Variants in IGF2R observed in about 807,000 individuals in gnomAD.
The protein encoded by IGF2R is cation-independent mannose-6-phosphate receptor.
A neutral mutation model predicts 270.6 loss-of-function variants in IGF2R; 91 were observed. The ratio of observed to expected loss-of-function variants is 0.34; its 90% confidence interval spans 0.28 to 0.40. The LOEUF is 0.40. Ranked by LOEUF, IGF2R falls within the 10% of genes least tolerant of loss-of-function variation. The pLI, the probability that IGF2R is intolerant of heterozygous loss-of-function variation, is 1.00. For synonymous variants in IGF2R, 1,316 were observed against 1,258.9 expected, an observed-to-expected ratio of 1.05 and a Z score of -0.96; for missense variants, 2,805 against 3,188.3, an observed-to-expected ratio of 0.88 and a Z score of 2.90.
chr6:160,058,373 C>CT (rs1778358602), intron 21 of IGF2R, among the ~76,000 whole-genome samples: 1 of 152,170 alleles, frequency 6.6e-6, no homozygotes, highest in Admixed American at 6.5e-5. Flanking sequence ...TAAGGAAACA[C>CT]TTTCTAAAGG....
rs1367635413 is a variant in IGF2R, at chr6:159,986,398, A to ATTT, written c.150-4783_150-4781dup. Among the ~76,000 whole-genome samples, 395 of 123,868 alleles carry ATTT rather than the reference A, an allele frequency of 3.2e-3. 3 individuals are homozygous for ATTT. The highest frequency in any genetic ancestry group is 0.012 in the African/African-American group (387 of 32,362). 81.3% of individuals were successfully genotyped at this position (123,868 alleles called of 152,430 possible). Reference sequence around the variant, plus strand: ...AAGCGTGCGCGACCATGCCTGGCTAATTTTTGTGTGTGTGTGTGTGTGTGT... The same window carrying ATTT: ...AAGCGTGCGCGACCATGCCTGGCTAATTTTTTTTGTGTGTGTGTGTGTGTGTGT... On this transcript the variant is annotated intron_variant, in intron 1 of 47. Transcript: ENST00000356956.
Position 160,061,824 on chromosome 6 carries a change from C to G in IGF2R, c.3478C>G (p.Gln1160Glu). Residue 1160 changes from glutamine (Q) to glutamate (E), a missense_variant, in exon 25 of 48, where the codon CAA (glutamine) becomes GAA (glutamate). This residue lies in a region of IGF2R where 1,851 missense variants were observed against 2,207.2 expected (regional missense o/e 0.84). Coordinates refer to ENST00000356956, the MANE Select transcript of IGF2R (RefSeq NM_000876.4). ...WNLGVVQMSP[Q>E]AAANGSLSIM... ...TCTGGGTGTGGTGCAGATGAGTCCC[C>G]AAGCCGCGGCGAATGGATCTTTGAG... is the stretch of plus-strand genomic sequence containing the variant. 1 of 1,614,120 alleles carries G rather than the reference C, an allele frequency of 6.2e-7. No individual in the cohort carries two copies. Among genetic ancestry groups the G allele is most frequent in the Non-Finnish European group, 8.5e-7 (1 of 1,180,026 alleles).
intron 20 of IGF2R, 54 bp downstream of exon 20, chr6:160,056,579 A>G (rs1272743071): frequency 9.5e-6 from 11 of 1,160,898 alleles, no homozygotes; most frequent in Admixed American, 1.7e-5. Context: ...GACATCCTCA[A>G]CTCACCCCAG....
chr6:160,066,545 T>C lies in IGF2R; in HGVS notation c.4115+1644T>C, dbSNP rs1241257612. Among the ~76,000 whole-genome samples the C allele has an allele frequency of 2.0e-5, 3 of 152,192 alleles. No individual in the cohort carries two copies. The East Asian group carries it at 5.8e-4, about 29-fold the overall frequency. On this transcript the variant is annotated intron_variant, in intron 29 of 47. Coordinates refer to ENST00000356956, the MANE Select transcript of IGF2R (RefSeq NM_000876.4). ...CATAATAAAAGTTAATATATGTCTA[T>C]TGTAATTGAGAGTCCAAAAATATTA...
At position 160,103,731 on chromosome 6, in the gene IGF2R, C is replaced by A; in HGVS notation, c.6996-15C>A. ...CTCTACACTGGAGTAATTATTGTCTCCTTTTTTTTTATAGGGAAACAGTGA... is the reference window on the plus strand; with the variant it reads ...CTCTACACTGGAGTAATTATTGTCTACTTTTTTTTTATAGGGAAACAGTGA... On this transcript the variant is annotated splice_polypyrimidine_tract_variant and intron_variant, in intron 46 of 47. Coordinates refer to ENST00000356956, the MANE Select transcript of IGF2R (RefSeq NM_000876.4). 1 of 1,597,142 alleles carries A rather than the reference C, an allele frequency of 6.3e-7. No individual in the cohort carries two copies. Among genetic ancestry groups the A allele is most frequent in the Non-Finnish European group, 8.6e-7 (1 of 1,164,508 alleles).
chr6:159,999,395 A>C (rs549840952), intron 2 of IGF2R, among the ~76,000 whole-genome samples: 4 of 152,262 alleles, frequency 2.6e-5, no homozygotes, highest in Admixed American at 2.6e-4. Flanking sequence ...CACAATGAGC[A>C]CCTTGCTGGA....
chr6:160,076,066 A>C, intron 36 of IGF2R, 70 bp downstream of exon 36: 2 of 1,440,462 alleles, frequency 1.4e-6, no homozygotes, highest in Non-Finnish European at 1.9e-6. Context: ...ACAACCAGAA[A>C]GTGCGTGTCA....
intron 2 of IGF2R, among the ~76,000 whole-genome samples, chr6:159,996,274 T>C (rs930428823): frequency 1.3e-5 from 2 of 152,336 alleles, no homozygotes; most frequent in African/African-American, 4.8e-5. Flanking sequence ...TATTGGGTTG[T>C]GCAGGCCAGC....
In IGF2R at chr6:160,072,001, A is replaced by G. The variant is rs1201008829; in HGVS notation, c.4535A>G (p.Glu1512Gly). 2 of 1,614,062 alleles carry G rather than the reference A, an allele frequency of 1.2e-6. No homozygotes were observed. Among genetic ancestry groups the G allele is most frequent in the Non-Finnish European group, 1.7e-6 (2 of 1,180,038 alleles). Residue 1512 changes from glutamate (E) to glycine (G), a missense_variant, in exon 32 of 48, where the codon GAG (glutamate) becomes GGG (glycine). Coordinates refer to ENST00000356956, the MANE Select transcript of IGF2R (RefSeq NM_000876.4). ...ACAGCCTGTCCCATGAAGAGCAACG[A>G]GCATGATGACTGCCAGGTCACCAAC... Reference protein sequence around the residue: ...TATACPMKSNEHDDCQVTNPS... With the variant: ...TATACPMKSNGHDDCQVTNPS...
rs58646750 is a variant in IGF2R, at chr6:160,022,013, A to AACACACACACACACACACACACACAC, written c.514-2556_514-2531dup. 3.9e-3 allele frequency among the ~76,000 whole-genome samples: 561 copies of AACACACACACACACACACACACACAC among 142,808 alleles called. 5 individuals carry two copies. The highest frequency in any genetic ancestry group is 9.4e-3 in the South Asian group (42 of 4,468). The allele number at this position is 142,808 out of a possible 152,430, so 93.7% of individuals were successfully genotyped here. On this transcript the variant is annotated intron_variant, in intron 4 of 47. Coordinates refer to ENST00000356956, the MANE Select transcript of IGF2R (RefSeq NM_000876.4). Reference sequence around the variant, plus strand: ...CCCACCAACGGATGACTAGGTAAAGAACACACACACACACACACACACACA... The same window carrying AACACACACACACACACACACACACAC: ...CCCACCAACGGATGACTAGGTAAAGAACACACACACACACACACACACACACACACACACACACACACACACACACA...
At chr6:160,058,193 G>C in intron 21 of IGF2R, 69 bp downstream of exon 21, 4 of 1,004,422 alleles carry the variant, frequency 4.0e-6, no homozygotes, top group Non-Finnish European at 6.4e-6. Context: ...GAAGTCACCT[G>C]CACGTGGTGA....
intron 14 of IGF2R, 68 bp from the exon 15 acceptor site, chr6:160,046,430 G>A (rs1778070293): frequency 6.9e-7 from 1 of 1,458,854 alleles, no homozygotes. Flanking sequence ...TTCAAACTGT[G>A]GGGTGAGACC....
At chr6:160,072,907 T>C (rs768645733) in intron 33 of IGF2R, 23 bp downstream of exon 33, 1 of 1,599,816 alleles carries the variant, frequency 6.3e-7, no homozygotes, top group Admixed American at 1.7e-5. Flanking sequence ...GTCTCTCGTG[T>C]GTTGTCTGAC....
intron 5 of IGF2R, among the ~76,000 whole-genome samples, chr6:160,026,116 A>G (rs1474266703): frequency 6.6e-6 from 1 of 152,178 alleles, no homozygotes; most frequent in Non-Finnish European, 1.5e-5. Flanking sequence ...ACCTCCTTGC[A>G]TCCTCAGGGC....
intron 41 of IGF2R, 93 bp from the exon 42 acceptor site, chr6:160,087,938 AGT>A: frequency 1.3e-6 from 1 of 750,148 alleles, no homozygotes; most frequent in Non-Finnish European, 2.4e-6. Flanking sequence ...GGTTTCCCAA[AGT>A]GTTGGAATTG....
intron 35 of IGF2R, among the ~76,000 whole-genome samples, chr6:160,075,016 G>C (rs1048783628): frequency 1.3e-5 from 2 of 152,300 alleles, no homozygotes; most frequent in Admixed American, 1.3e-4. Flanking sequence ...AGAAGGTGTG[G>C]TGCCACGTGG....
rs370316128 is a variant in IGF2R, at chr6:160,047,266, A to G, written c.2159A>G (p.His720Arg). The part of the protein sequence containing the change: ...RGGTPYNNER[H>R]TPRATLITFL... ...GGCACACCCTATAACAATGAAAGAC[A>G]CACACCGAGAGCTACGCTCATCACC... The change falls in exon 16 of 48, where the codon CAC becomes CGC. Residue 720 changes from histidine to arginine, a missense_variant. Transcript: ENST00000356956. 3.7e-5 allele frequency: 59 copies of G among 1,612,942 alleles called. No individual in the cohort carries two copies. Among genetic ancestry groups the G allele is most frequent in the Admixed American group, 2.3e-4 (14 of 59,964 alleles).
intron 5 of IGF2R, 147 bp from the exon 6 acceptor site, chr6:160,027,038 T>C (rs1777575687): frequency 3.6e-6 from 3 of 827,620 alleles, no homozygotes; most frequent in Middle Eastern, 7.1e-4. Context: ...TTGCAGAGGG[T>C]TAATGGCTTG....
chr6:159,974,510 T>C (rs1363893379), intron 1 of IGF2R, among the ~76,000 whole-genome samples: 2 of 152,214 alleles, frequency 1.3e-5, no homozygotes, highest in Non-Finnish European at 2.9e-5. Flanking sequence ...CTCAGTGATA[T>C]CCTTTGAAGA....
Sources: gnomAD v4.1 joint callset for allele counts (sites outside exome capture counted in the v4.1 genomes callset) on GRCh38, gnomAD v4.1.1 for gene constraint, gnomAD v4.1.1 regional missense constraint, MANE v1.5 for transcripts, NCBI Gene and HGNC (gene_info 2026-07-23, HGNC 2026-07-21) for gene names.